SIK2: variants seen among roughly 807,000 people sequenced by gnomAD.
The protein encoded by SIK2 is serine/threonine-protein kinase SIK2.
Under a neutral mutation model 103.2 loss-of-function variants are expected in SIK2, and 29 were observed. The observed-to-expected ratio is 0.28, with a 90% CI of 0.21 to 0.38. The LOEUF (loss-of-function observed/expected upper bound fraction) is 0.38. SIK2 is among the 10% of genes least tolerant of loss of function. The pLI is 1.00. For synonymous variants in SIK2, 412 were observed against 446.1 expected, an observed-to-expected ratio of 0.92 and a Z score of 0.96; for missense variants, 879 against 1,171.0, an observed-to-expected ratio of 0.75 and a Z score of 3.64.
At position 111,730,565 on chromosome 11, in the gene SIK2, A is replaced by G. The variant is rs1372075704; in HGVS notation, c.*6436A>G. ...GAAAGAGTTACTTTTGATAAAGTTA[A>G]TCTAACTGTAGTTATATTTTCTGTG... On this transcript the variant is annotated 3_prime_UTR_variant, in exon 15 of 15. Transcript: ENST00000304987. 3 of 152,200 alleles carry G rather than the reference A, an allele frequency of 2.0e-5. No homozygotes were observed. The highest frequency in any genetic ancestry group is 2.9e-5 in the Non-Finnish European group (2 of 68,042). 9.4% of individuals were successfully genotyped at this position (152,200 alleles called of 1,614,324 possible). A position where few individuals can be genotyped will look rare whatever the true frequency, so the allele number is the denominator to read the frequency against.
chr11:111,629,656 A>G (rs1245294520), intron 3 of SIK2, among the ~76,000 whole-genome samples: 1 of 152,230 alleles, frequency 6.6e-6, no homozygotes, highest in East Asian at 1.9e-4. Context: ...CAATTTAACA[A>G]TGGACAAAAG....
intron 9 of SIK2, among the ~76,000 whole-genome samples, chr11:111,719,441 T>TA (rs1165041394): frequency 4.1e-5 from 6 of 146,062 alleles, no homozygotes; most frequent in Non-Finnish European, 4.5e-5. Context: ...TTCCCTTATT[T>TA]AAAAAAAAAT....
chr11:111,647,694 T>G (rs1052773848), intron 3 of SIK2, among the ~76,000 whole-genome samples: 1 of 151,082 alleles, frequency 6.6e-6, no homozygotes, highest in Non-Finnish European at 1.5e-5. Context: ...TGAAACCCCA[T>G]CTCTACTAAA....
intron 3 of SIK2, among the ~76,000 whole-genome samples, chr11:111,638,400 T>C (rs1394474356): frequency 1.3e-5 from 2 of 152,162 alleles, no homozygotes; most frequent in African/African-American, 4.8e-5. Context: ...TTTTAAACCA[T>C]CTTCACCTGA....
chr11:111,614,644 G>T (rs1419652694), intron 1 of SIK2, among the ~76,000 whole-genome samples: 3 of 152,168 alleles, frequency 2.0e-5, no homozygotes, highest in Non-Finnish European at 4.4e-5. Context: ...AAGAAGAGAA[G>T]TTGGTCTTGC....
chr11:111,723,175 C>T (rs2135978442), intron 14 of SIK2, among the ~76,000 whole-genome samples: 1 of 152,292 alleles, frequency 6.6e-6, no homozygotes, highest in South Asian at 2.1e-4. Flanking sequence ...CAGACACCTG[C>T]AGAGGCCAAG....
intron 9 of SIK2, among the ~76,000 whole-genome samples, chr11:111,715,705 C>T (rs968484067): frequency 6.6e-6 from 1 of 151,596 alleles, no homozygotes; most frequent in Non-Finnish European, 1.5e-5. Flanking sequence ...GATGCATAAA[C>T]CTTGTAGAAT....
intron 3 of SIK2, among the ~76,000 whole-genome samples, chr11:111,647,856 A>C (rs1444904850): frequency 1.3e-5 from 2 of 152,184 alleles, no homozygotes; most frequent in African/African-American, 4.8e-5. Context: ...TGACAGTGCG[A>C]GACTCTGTCT....
chr11:111,726,673 C>T lies in SIK2; in HGVS notation c.*2544C>T. On this transcript the variant is annotated 3_prime_UTR_variant, in exon 15 of 15. Coordinates refer to ENST00000304987, the MANE Select transcript of SIK2 (RefSeq NM_015191.3). ...GCTGCTCTGTCCCTAACTAGTGACCCATGGAAGCTTCCAAGCAGTTTTCTC... is the reference window on the plus strand; with the variant it reads ...GCTGCTCTGTCCCTAACTAGTGACCTATGGAAGCTTCCAAGCAGTTTTCTC... 1 of 422,118 alleles carries T rather than the reference C, an allele frequency of 2.4e-6. No homozygotes were observed. The highest frequency in any genetic ancestry group is 4.3e-6 in the Non-Finnish European group (1 of 229,922). The allele number at this position is 422,118 out of a possible 1,614,324, so 26.1% of individuals were successfully genotyped here.
intron 3 of SIK2, among the ~76,000 whole-genome samples, chr11:111,641,849 T>G (rs1942187762): frequency 6.6e-6 from 1 of 152,202 alleles, no homozygotes; most frequent in African/African-American, 2.4e-5. Context: ...ACTGGGATTC[T>G]TGTCCCAGCT....
rs1942877549 is a variant in SIK2 at position 111,688,498 on chromosome 11, G to C, written c.478+336G>C. 6.6e-6 allele frequency among the ~76,000 whole-genome samples: 1 copy of C among 152,166 alleles called. No individual in the cohort carries two copies. The highest frequency in any genetic ancestry group is 1.5e-5 in the Non-Finnish European group (1 of 68,034). On this transcript the variant is annotated intron_variant, in intron 4 of 14. Transcript: ENST00000304987. This position sits in a 1 kb window ranked among gnomAD's most constrained non-coding sequence, Gnocchi z 4.2. ...GGCTGGAGGAGTAATGCTGGTTGCT[G>C]GTACTCTGGCCTGCTCTCCTAATTA... is the stretch of plus-strand genomic sequence containing the variant.
chr11:111,655,035 C>G (rs934309355), intron 3 of SIK2, among the ~76,000 whole-genome samples: 1 of 152,174 alleles, frequency 6.6e-6, no homozygotes, highest in Non-Finnish European at 1.5e-5. Flanking sequence ...CATTGTTCTA[C>G]AATGAAGCAA....
intron 1 of SIK2, among the ~76,000 whole-genome samples, chr11:111,603,112 G>A (rs1209937553): frequency 6.6e-6 from 1 of 152,088 alleles, no homozygotes; most frequent in South Asian, 2.1e-4. Context: ...AGGCTGCGCC[G>A]TGAGAGACGT....
chr11:111,712,381 G>T lies in SIK2; in HGVS notation c.1266+6G>T, dbSNP rs370307555. On this transcript the variant is annotated splice_donor_region_variant and intron_variant, in intron 9 of 14. Transcript: ENST00000304987. ...AGTGTGTGGACACTCCAAAGGTACGGCTATGTTTGAGAGTCTCAGAACTGG... is the reference window on the plus strand; with the variant it reads ...AGTGTGTGGACACTCCAAAGGTACGTCTATGTTTGAGAGTCTCAGAACTGG... 3.2e-5 allele frequency: 51 copies of T among 1,611,916 alleles called. No individual in the cohort carries two copies. The highest frequency in any genetic ancestry group is 4.3e-5 in the Non-Finnish European group (51 of 1,178,746).
chr11:111,630,241 G>A (rs1352223359), intron 3 of SIK2, among the ~76,000 whole-genome samples: 1 of 152,148 alleles, frequency 6.6e-6, no homozygotes, highest in Non-Finnish European at 1.5e-5. Context: ...ATTATATATG[G>A]TTCTATTTAC....
chr11:111,729,937 G>C lies in SIK2; in HGVS notation c.*5808G>C, dbSNP rs1944127696. ...AGTTACAATACAGCAGTTTCCTACA[G>C]AACACCCCCTTCCTCAATTGCCAAG... On this transcript the variant is annotated 3_prime_UTR_variant, in exon 15 of 15. Transcript: ENST00000304987. The C allele has an allele frequency of 6.6e-6, 1 of 152,278 alleles. No homozygotes were observed. The highest frequency in any genetic ancestry group is 2.4e-5 in the African/African-American group (1 of 41,442). 9.4% of individuals were successfully genotyped at this position (152,278 alleles called of 1,614,324 possible). A position where few individuals can be genotyped will look rare whatever the true frequency, so the allele number is the denominator to read the frequency against.
chr11:111,645,779 C>T (rs12271657), intron 3 of SIK2, among the ~76,000 whole-genome samples: 31 of 151,420 alleles, frequency 2.0e-4, no homozygotes, highest in African/African-American at 7.5e-4. Context: ...GATGCCATTG[C>T]GCCCTAGCCT....
Position 111,712,324 on chromosome 11 carries a change from C to T in SIK2, c.1215C>T (p.Gly405=). 1 of 1,614,228 alleles carries T rather than the reference C, an allele frequency of 6.2e-7. No homozygotes were observed. The highest frequency in any genetic ancestry group is 1.1e-5 in the South Asian group (1 of 91,090). ...AGGCCTTTTCATTTCCAGCATCTGG[C>T]TGTCAGGCGGAAGCTGCATTCATGG... The part of the protein sequence containing the change: ...NVEAFSFPAS[G]CQAEAAFMEE... Residue 405 remains glycine (G), a synonymous_variant, in exon 9 of 15, where the codon GGC becomes GGT. Coordinates refer to ENST00000304987, the MANE Select transcript of SIK2 (RefSeq NM_015191.3).
chr11:111,659,680 C>T (rs1942442666), intron 3 of SIK2, among the ~76,000 whole-genome samples: 1 of 152,030 alleles, frequency 6.6e-6, no homozygotes, highest in Admixed American at 6.5e-5. Flanking sequence ...CCGTCTTTGT[C>T]TCTCATTTTC....
Sources: allele counts gnomAD v4.1 joint callset (sites outside exome capture counted in the v4.1 genomes callset), GRCh38; gene constraint gnomAD v4.1.1; non-coding constraint Gnocchi (gnomAD v3.1); transcripts MANE v1.5; gene names NCBI Gene and HGNC (gene_info 2026-07-23, HGNC 2026-07-21).